Variants in KIAA1671 observed in about 807,000 individuals in gnomAD.
The protein encoded by KIAA1671 is KIAA1671, also known as uncharacterized protein KIAA1671.
Under a neutral mutation model 131.2 loss-of-function variants are expected in KIAA1671, and 52 were observed. The observed-to-expected ratio is 0.40, with a 90% CI of 0.32 to 0.50. KIAA1671 has a LOEUF of 0.50. Ranked by LOEUF, KIAA1671 falls within the 20% of genes least tolerant of loss-of-function variation. The probability of loss-of-function intolerance (pLI) is 0.73; values close to 1 mark genes in which losing one functional copy is unlikely to be tolerated. For missense variants in KIAA1671, 2,360 were observed against 2,364.2 expected (o/e 1.00, Z 0.04); for synonymous variants, 1,003 against 961.6 (o/e 1.04, Z -0.80).
At chr22:25,191,521 T>C (rs568174141) in intron 12 of KIAA1671, among the ~76,000 whole-genome samples, 1 of 152,188 alleles carries the variant, frequency 6.6e-6, no homozygotes, top group Non-Finnish European at 1.5e-5. Context: ...AAAATGAATT[T>C]GAAAAAATAT....
Position 25,128,347 on chromosome 22 carries a change from C to A in KIAA1671, c.4531-42473C>A, listed in dbSNP as rs73401843. On this transcript the variant is annotated intron_variant, in intron 6 of 12. Coordinates refer to ENST00000358431, the MANE Select transcript of KIAA1671 (RefSeq NM_001145206.2). ...ATGGATGAATACATGAATGCATGGA[C>A]CAGTGCATGAACGGATGCCAAGCTC... 3.6e-3 allele frequency among the ~76,000 whole-genome samples: 550 copies of A among 152,250 alleles called. 5 individuals carry two copies. The highest frequency in any genetic ancestry group is 0.012 in the African/African-American group (506 of 41,554).
chr22:24,983,292 T>G (rs1923328643), intron 1 of KIAA1671, among the ~76,000 whole-genome samples: 1 of 152,206 alleles, frequency 6.6e-6, no homozygotes, highest in Non-Finnish European at 1.5e-5. Flanking sequence ...GCCACACTGC[T>G]TCAAAGGCTG....
intron 6 of KIAA1671, among the ~76,000 whole-genome samples, chr22:25,066,958 C>T (rs1030572971): frequency 9.2e-5 from 14 of 152,076 alleles, no homozygotes; most frequent in African/African-American, 3.4e-4. Context: ...TGGAGAAGGG[C>T]CCCTGGGGGC....
intron 6 of KIAA1671, among the ~76,000 whole-genome samples, chr22:25,150,080 T>A (rs1322048935): frequency 6.6e-6 from 1 of 152,198 alleles, no homozygotes; most frequent in Non-Finnish European, 1.5e-5. Context: ...GCATGTCAGA[T>A]CCTTAGCATA....
chr22:25,017,942 A>G (rs1223339564), intron 1 of KIAA1671, among the ~76,000 whole-genome samples: 1 of 151,648 alleles, frequency 6.6e-6, no homozygotes, highest in Non-Finnish European at 1.5e-5. Flanking sequence ...GGGTAAATGA[A>G]TAGTGCTTGC....
chr22:25,075,008 TC>T (rs1025356211), intron 6 of KIAA1671, among the ~76,000 whole-genome samples: 50 of 152,328 alleles, frequency 3.3e-4, no homozygotes, highest in African/African-American at 1.2e-3. Context: ...TAGCGGGAGT[TC>T]CTGTATACCC....
At chr22:25,124,244 C>T (rs1294473662) in intron 6 of KIAA1671, among the ~76,000 whole-genome samples, 1 of 152,230 alleles carries the variant, frequency 6.6e-6, no homozygotes, top group Admixed American at 6.5e-5. Flanking sequence ...CCATAAACAG[C>T]AGCGACCGCT....
intron 6 of KIAA1671, among the ~76,000 whole-genome samples, chr22:25,153,320 A>C (rs1933112256): frequency 6.6e-6 from 1 of 152,150 alleles, no homozygotes; most frequent in South Asian, 2.1e-4. Context: ...TTGCCCCCAG[A>C]ACATTTGGCC....
chr22:25,108,534 C>G (rs971632681), intron 6 of KIAA1671, among the ~76,000 whole-genome samples: 1 of 152,176 alleles, frequency 6.6e-6, no homozygotes, highest in East Asian at 1.9e-4. Context: ...TGCCAGAAGT[C>G]CTGGGACCTA....
intron 6 of KIAA1671, among the ~76,000 whole-genome samples, chr22:25,083,534 A>T (rs1929523861): frequency 6.6e-6 from 1 of 152,192 alleles, no homozygotes. Context: ...CACTGTTATT[A>T]TGTGCATTTT....
intron 6 of KIAA1671, among the ~76,000 whole-genome samples, chr22:25,126,331 T>C (rs546647622): frequency 6.6e-6 from 1 of 152,348 alleles, no homozygotes; most frequent in South Asian, 2.1e-4. Context: ...GCTAGGAGCC[T>C]GTTCTTTTCT....
At chr22:25,092,481 A>C (rs1180418743) in intron 6 of KIAA1671, among the ~76,000 whole-genome samples, 4 of 152,086 alleles carry the variant, frequency 2.6e-5, no homozygotes, top group African/African-American at 9.7e-5. Flanking sequence ...GCTGTAGTGG[A>C]GAGATGAGGG....
At chr22:24,964,129 G>A (rs1308247401) in intron 1 of KIAA1671, among the ~76,000 whole-genome samples, 1 of 152,048 alleles carries the variant, frequency 6.6e-6, no homozygotes, top group African/African-American at 2.4e-5. Flanking sequence ...AGGATTTTGA[G>A]ACCAGCCTGG....
chr22:25,181,597 G>A, intron 9 of KIAA1671, 102 bp from the exon 10 acceptor site: 1 of 1,410,016 alleles, frequency 7.1e-7, no homozygotes, highest in Non-Finnish European at 9.7e-7. Flanking sequence ...GTGCAGGTCT[G>A]ATGTGAGCAT....
intron 5 of KIAA1671, among the ~76,000 whole-genome samples, chr22:25,042,111 A>C (rs1926960793): frequency 6.6e-6 from 1 of 152,154 alleles, no homozygotes; most frequent in African/African-American, 2.4e-5. Context: ...AGAGAATCTG[A>C]AAATCTAGAT....
At chr22:25,157,870 G>T (rs6004451) in intron 6 of KIAA1671, among the ~76,000 whole-genome samples, 1 of 151,134 alleles carries the variant, frequency 6.6e-6, no homozygotes, top group African/African-American at 2.4e-5. Context: ...TGCCCAGGCT[G>T]GAGTGCAGTG....
At chr22:25,084,493 G>A (rs1929595654) in intron 6 of KIAA1671, among the ~76,000 whole-genome samples, 1 of 147,694 alleles carries the variant, frequency 6.8e-6, no homozygotes, top group Non-Finnish European at 1.5e-5. Flanking sequence ...TGTATAAAAG[G>A]TATTTTATGG....
chr22:25,138,949 C>T (rs534605932), intron 6 of KIAA1671, among the ~76,000 whole-genome samples: 2 of 152,230 alleles, frequency 1.3e-5, no homozygotes, highest in South Asian at 4.2e-4. Context: ...GCTTGGGAAT[C>T]CCACCCCCTT....
chr22:25,084,756 C>G (rs1006678682), intron 6 of KIAA1671, among the ~76,000 whole-genome samples: 2 of 152,212 alleles, frequency 1.3e-5, no homozygotes, highest in Admixed American at 1.3e-4. Context: ...CATCTAGAGT[C>G]TTCTTCACCC....
Sources: allele counts gnomAD v4.1 joint callset (sites outside exome capture counted in the v4.1 genomes callset), GRCh38; gene constraint gnomAD v4.1.1; transcripts MANE v1.5; gene names NCBI Gene and HGNC (gene_info 2026-07-23, HGNC 2026-07-21).